The following TMEM131L variants were observed in gnomAD, a reference collection of about 807,000 sequenced individuals.
The protein encoded by TMEM131L is transmembrane protein 131-like.
A neutral mutation model predicts 192.2 loss-of-function variants in TMEM131L; 54 were observed. The observed-to-expected ratio is 0.28, with a 90% CI of 0.23 to 0.35. The LOEUF is 0.35. Ranked by LOEUF, TMEM131L falls within the 10% of genes least tolerant of loss-of-function variation. The pLI is 1.00. For synonymous variants in TMEM131L, 701 were observed against 704.9 expected (o/e 0.99, Z 0.09); for missense variants, 1,888 against 1,972.9 (o/e 0.96, Z 0.82).
At chr4:153,620,680 T>C in intron 26 of TMEM131L, 76 bp from the exon 27 acceptor site, 2 of 889,116 alleles carry the variant, frequency 2.2e-6, no homozygotes, top group Non-Finnish European at 3.3e-6. Flanking sequence ...TCAGATGGAG[T>C]TGGTCTTCAA....
In TMEM131L at chr4:153,621,686, T is replaced by C. The variant is rs1733421022; in HGVS notation, c.3696T>C (p.Pro1232=). 6.2e-7 allele frequency: 1 copy of C among 1,614,062 alleles called. No individual in the cohort carries two copies. Among genetic ancestry groups the C allele is most frequent in the Non-Finnish European group, 8.5e-7 (1 of 1,179,978 alleles). The change falls in exon 28 of 35, where the codon CCT becomes CCC. Residue 1232 remains proline, a synonymous_variant. Transcript: ENST00000409959. ...KKRGVAPVSR[P]PEQSDLKLVC... ...TGTGTGTGTGTGTCTTTTCCAGGCC[T>C]CCTGAACAGAGTGATCTAAAGCTTG...
chr4:153,485,831 G>A (rs1216258474), intron 3 of TMEM131L, among the ~76,000 whole-genome samples: 1 of 152,150 alleles, frequency 6.6e-6, no homozygotes, highest in East Asian at 1.9e-4. Flanking sequence ...AAACCTTATG[G>A]TTTACAAAGT....
chr4:153,606,437 C>G (rs1006129305), intron 25 of TMEM131L, among the ~76,000 whole-genome samples: 1 of 152,284 alleles, frequency 6.6e-6, no homozygotes, highest in Non-Finnish European at 1.5e-5. Flanking sequence ...TATCTTAATA[C>G]TTTAAAGCAG....
Position 153,592,475 on chromosome 4 carries a change from A to G in TMEM131L, c.1813A>G (p.Ile605Val), listed in dbSNP as rs7669418. Residue 605 changes from isoleucine (I) to valine (V), a missense_variant and splice_region_variant, in exon 18 of 35, where the codon ATC (isoleucine) becomes GTC (valine). Coordinates refer to ENST00000409959, the MANE Select transcript of TMEM131L (RefSeq NM_001131007.2). ...FSATALRSRM[I>V]KYFVVQNPSS... is the part of the protein sequence containing the mutation. ...TTAACTTTTCTTTCCTCACACCTAG[A>G]TCAAGTACTTTGTGGTGCAGAACCC... 496,113 of 1,610,222 alleles carry G rather than the reference A, an allele frequency of 0.31. 78,818 individuals are homozygous for G. Among genetic ancestry groups the G allele is most frequent in the Non-Finnish European group, 0.33 (387,315 of 1,176,720 alleles).
At chr4:153,569,083 T>A (rs1274928811) in intron 7 of TMEM131L, among the ~76,000 whole-genome samples, 2 of 152,226 alleles carry the variant, frequency 1.3e-5, no homozygotes. Context: ...GATGCTTCTC[T>A]GTTGCCCACC....
intron 3 of TMEM131L, among the ~76,000 whole-genome samples, chr4:153,490,438 T>C (rs1732687324): frequency 6.6e-6 from 1 of 152,194 alleles, no homozygotes; most frequent in African/African-American, 2.4e-5. Context: ...CCTTAATCTT[T>C]TAATCCATTT....
intron 7 of TMEM131L, among the ~76,000 whole-genome samples, chr4:153,576,696 T>C (rs1034890253): frequency 3.3e-5 from 5 of 151,966 alleles, no homozygotes; most frequent in Non-Finnish European, 5.9e-5. Flanking sequence ...AAAAAACTTA[T>C]AAATGTGTAC....
chr4:153,587,079 T>C (rs1198108638), intron 14 of TMEM131L, among the ~76,000 whole-genome samples: 2 of 152,042 alleles, frequency 1.3e-5, no homozygotes, highest in Non-Finnish European at 2.9e-5. Context: ...TGCCTCATGC[T>C]TAACTAGCTG....
intron 34 of TMEM131L, among the ~76,000 whole-genome samples, 198 bp downstream of exon 34, chr4:153,635,769 C>T (rs1734525641): frequency 1.3e-5 from 2 of 152,172 alleles, no homozygotes; most frequent in Non-Finnish European, 2.9e-5. Context: ...TGGGTGGGGT[C>T]TTGCAGACAT....
intron 9 of TMEM131L, among the ~76,000 whole-genome samples, 179 bp from the exon 10 acceptor site, chr4:153,583,008 AAAG>A (rs1730465193): frequency 6.6e-6 from 1 of 152,076 alleles, no homozygotes; most frequent in Admixed American, 6.5e-5. Context: ...TGTGATTAAA[AAAG>A]AAAAAAAAAA....
At position 153,509,145 on chromosome 4, in the gene TMEM131L, G is replaced by A. The variant is rs554591496; in HGVS notation, c.239+35257G>A. ...GGATCACTTGAGGCCAGGAGCTCAA[G>A]ACCAGCCTGGGCAACATGGTGAAAC... On this transcript the variant is annotated intron_variant, in intron 3 of 34. Transcript: ENST00000409959. 4.6e-5 allele frequency among the ~76,000 whole-genome samples: 7 copies of A among 151,954 alleles called. No individual in the cohort carries two copies. The East Asian group carries it at 7.8e-4, about 17-fold the overall frequency.
At chr4:153,580,992 G>A in intron 8 of TMEM131L, 89 bp downstream of exon 8, 2 of 917,996 alleles carry the variant, frequency 2.2e-6, no homozygotes. Flanking sequence ...TGTGGCTCAT[G>A]CCTGTAATCC....
intron 4 of TMEM131L, among the ~76,000 whole-genome samples, chr4:153,554,931 G>A (rs553080525): frequency 6.6e-6 from 1 of 152,338 alleles, no homozygotes; most frequent in South Asian, 2.1e-4. Context: ...GACATTGGAG[G>A]TGGAGAGTGC....
intron 3 of TMEM131L, among the ~76,000 whole-genome samples, chr4:153,518,408 G>C (rs1734882231): frequency 6.6e-6 from 1 of 152,178 alleles, no homozygotes; most frequent in African/African-American, 2.4e-5. Flanking sequence ...AATCAGAAGA[G>C]GCTGAACCTA....
intron 31 of TMEM131L, among the ~76,000 whole-genome samples, chr4:153,631,348 T>C (rs1472648035): frequency 3.9e-5 from 6 of 152,194 alleles, no homozygotes; most frequent in Non-Finnish European, 2.9e-5. Context: ...AAAGCTGAAA[T>C]ATAGGTGGGG....
chr4:153,593,251 C>T (rs1731196153), intron 18 of TMEM131L, among the ~76,000 whole-genome samples: 1 of 152,112 alleles, frequency 6.6e-6, no homozygotes, highest in South Asian at 2.1e-4. Context: ...ACCCTTATCC[C>T]AGGGTTTCTC....
At chr4:153,611,013 G>A (rs1732574003) in intron 25 of TMEM131L, among the ~76,000 whole-genome samples, 2 of 152,204 alleles carry the variant, frequency 1.3e-5, no homozygotes, top group Non-Finnish European at 2.9e-5. Context: ...AAGTTCATTT[G>A]CCTTTATTGT....
intron 4 of TMEM131L, among the ~76,000 whole-genome samples, chr4:153,552,394 A>G (rs928138990): frequency 3.3e-5 from 5 of 152,180 alleles, no homozygotes; most frequent in Non-Finnish European, 7.3e-5. Context: ...AAAAAATCCT[A>G]TAGTCGATGC....
rs1015567229 is a variant in TMEM131L, at chr4:153,592,514, G to A, written c.1852G>A (p.Val618Ile). 4.3e-6 allele frequency: 7 copies of A among 1,614,112 alleles called. No individual in the cohort carries two copies. The highest frequency in any genetic ancestry group is 5.9e-6 in the Non-Finnish European group (7 of 1,180,008). Residue 618 changes from valine (V) to isoleucine (I), a missense_variant, in exon 18 of 35, where the codon GTC (valine) becomes ATC (isoleucine). By Grantham distance (29) the Val-to-Ile change is conservative. Transcript: ENST00000409959. ...FVVQNPSSWP[V>I]SLQLLPLSLY... ...GGTGCAGAACCCGTCCTCTTGGCCG[G>A]TCTCCTTGCAGCTCCTGCCTCTCTC... is the stretch of plus-strand genomic sequence containing the variant.
Sources: gnomAD v4.1 joint callset for allele counts (sites outside exome capture counted in the v4.1 genomes callset) on GRCh38, gnomAD v4.1.1 for gene constraint, MANE v1.5 for transcripts, NCBI Gene and HGNC (gene_info 2026-07-23, HGNC 2026-07-21) for gene names.